DNAH6: variants seen among roughly 807,000 people sequenced by gnomAD.
DNAH6 encodes dynein axonemal heavy chain 6.
Under a neutral mutation model 491.4 loss-of-function variants are expected in DNAH6, and 340 were observed. That is an observed-to-expected ratio of 0.69 (90% CI 0.63 to 0.76). The LOEUF is 0.76. DNAH6 is among the 30% of genes least tolerant of loss of function. The probability of loss-of-function intolerance (pLI) is 0.00; values close to 1 mark genes in which losing one functional copy is unlikely to be tolerated. For synonymous variants in DNAH6, 1,603 were observed against 1,686.1 expected, an observed-to-expected ratio of 0.95 and a Z score of 1.21; for missense variants, 4,443 against 4,972.2, an observed-to-expected ratio of 0.89 and a Z score of 3.20.
rs774363192 is a variant in DNAH6 at position 84,659,652 on chromosome 2, G to A, written c.6084+483G>A. Among the ~76,000 whole-genome samples the A allele has an allele frequency of 2.0e-5, 3 of 152,178 alleles. No homozygotes were observed. In the East Asian group the frequency reaches 5.8e-4, roughly 29 times the overall value. On this transcript the variant is annotated intron_variant, in intron 37 of 76. Coordinates refer to ENST00000389394, the MANE Select transcript of DNAH6 (RefSeq NM_001370.2). ...TATTGGATTGGTATTGCAGGTCTCAGTACTCATTGATATTCAAAATGTTAA... is the reference window on the plus strand; with the variant it reads ...TATTGGATTGGTATTGCAGGTCTCAATACTCATTGATATTCAAAATGTTAA...
intron 54 of DNAH6, 116 bp from the exon 55 acceptor site, chr2:84,709,227 A>G (rs943398286): frequency 9.8e-6 from 10 of 1,019,890 alleles, no homozygotes; most frequent in Middle Eastern, 2.9e-4. Context: ...ATCTGTGGAG[A>G]CTGGGAGGGC....
chr2:84,675,000 C>T (rs758709106), intron 40 of DNAH6, among the ~76,000 whole-genome samples: 2 of 152,322 alleles, frequency 1.3e-5, no homozygotes, highest in Middle Eastern at 3.4e-3. Context: ...CCACGGCATG[C>T]CTTTGTGATG....
At chr2:84,600,059 A>G (rs1685069830) in intron 18 of DNAH6, among the ~76,000 whole-genome samples, 1 of 152,136 alleles carries the variant, frequency 6.6e-6, no homozygotes, top group African/African-American at 2.4e-5. Context: ...ACAAGTGTTA[A>G]TTAGGTGGAC....
the DNAH6 span, among the ~76,000 whole-genome samples, chr2:84,478,331 G>A: frequency 0.02 from 2,996 of 152,330 alleles, 103 homozygotes; most frequent in African/African-American, 0.069. Context: ...GATTTGAGCA[G>A]AGGCAGATTC....
At chr2:84,514,114 C>G (rs1675440412), upstream of DNAH6, among the ~76,000 whole-genome samples, 1 of 152,204 alleles carries the variant, frequency 6.6e-6, no homozygotes, top group African/African-American at 2.4e-5. Flanking sequence ...TTTGTACCCA[C>G]AGCACCCACA....
chr2:84,787,517 C>CA lies in DNAH6; in HGVS notation c.11239+217dup, dbSNP rs11404744. Among the ~76,000 whole-genome samples the CA allele has an allele frequency of 0.25, 37,948 of 151,942 alleles. 5,319 individuals are homozygous for CA. The highest frequency in any genetic ancestry group is 0.4 in the African/African-American group (16,649 of 41,428). On this transcript the variant is annotated intron_variant, in intron 68 of 76. Transcript: ENST00000389394. Reference sequence around the variant, plus strand: ...ACAGAAAATGGGACAGCTGCTTTCTCAATAATAATAATAATAGGAAAAATA... The same window carrying CA: ...ACAGAAAATGGGACAGCTGCTTTCTCAAATAATAATAATAATAGGAAAAATA...
chr2:84,467,863 A>G, the DNAH6 span, among the ~76,000 whole-genome samples: 4 of 152,338 alleles, frequency 2.6e-5, no homozygotes, highest in African/African-American at 9.6e-5. Flanking sequence ...GCTTTAAGGT[A>G]GGTAAATTGA....
intron 19 of DNAH6, 116 bp from the exon 20 acceptor site, chr2:84,605,384 C>A (rs1685665192): frequency 1.8e-5 from 12 of 651,372 alleles, no homozygotes; most frequent in African/African-American, 6.1e-5. Flanking sequence ...TTTTAGAGAG[C>A]AATAAGGAGG....
In DNAH6 at chr2:84,676,986, T is replaced by A. The variant is rs756779548; in HGVS notation, c.6613-19T>A. ...TTCATTCTCTGCTGAGTGATCCAAG[T>A]GGATTTCTCTGCACACAGGATGTAA... is the stretch of plus-strand genomic sequence containing the variant. On this transcript the variant is annotated intron_variant, in intron 40 of 76. Coordinates refer to ENST00000389394, the MANE Select transcript of DNAH6 (RefSeq NM_001370.2). 10 of 1,551,468 alleles carry A rather than the reference T, an allele frequency of 6.4e-6. No individual in the cohort carries two copies. The highest frequency in any genetic ancestry group is 8.7e-6 in the Non-Finnish European group (10 of 1,146,846).
chr2:84,467,896 G>A, the DNAH6 span, among the ~76,000 whole-genome samples: 1 of 152,166 alleles, frequency 6.6e-6, no homozygotes, highest in South Asian at 2.1e-4. Flanking sequence ...AGTTAAAGAG[G>A]TGGTTTATGA....
At chr2:84,737,071 G>A (rs758269191) in intron 62 of DNAH6, among the ~76,000 whole-genome samples, 1 of 151,884 alleles carries the variant, frequency 6.6e-6, no homozygotes, top group African/African-American at 2.4e-5. Context: ...GCTTTTCCTC[G>A]TCTATTGAGG....
chr2:84,579,654 T>C lies in DNAH6; in HGVS notation c.2204T>C (p.Leu735Ser). 6.3e-7 allele frequency: 1 copy of C among 1,589,490 alleles called. No homozygotes were observed. Among genetic ancestry groups the C allele is most frequent in the Non-Finnish European group, 8.5e-7 (1 of 1,170,952 alleles). The change falls in exon 14 of 77, where the codon TTA becomes TCA. Residue 735 changes from leucine (L) to serine (S), a missense_variant. By Grantham distance (145) the Leu-to-Ser change is moderately radical. Transcript: ENST00000389394. ...ACCACAGAATATGTTCATAGCTTAT[T>C]ATTTCTTGATGAAATTCAGGAACGG... The part of the protein sequence containing the change: ...TTTTEYVHSL[L>S]FLDEIQERIE...
the DNAH6 span, among the ~76,000 whole-genome samples, chr2:84,509,521 T>G: frequency 6.6e-6 from 1 of 152,000 alleles, no homozygotes; most frequent in South Asian, 2.1e-4. Context: ...GTCTTGACTC[T>G]TTATCCAATT....
chr2:84,648,058 T>G (rs1690060948), intron 33 of DNAH6, among the ~76,000 whole-genome samples: 1 of 152,258 alleles, frequency 6.6e-6, no homozygotes, highest in Admixed American at 6.5e-5. Context: ...TATATTTTAT[T>G]TTCACACTGA....
At chr2:84,587,278 A>T (rs999910628) in intron 15 of DNAH6, among the ~76,000 whole-genome samples, 3 of 152,172 alleles carry the variant, frequency 2.0e-5, no homozygotes, top group African/African-American at 7.2e-5. Context: ...CCTGCAAAGG[A>T]CATTATCTTG....
At chr2:84,566,472 T>A (rs1472284562) in intron 11 of DNAH6, among the ~76,000 whole-genome samples, 1 of 151,966 alleles carries the variant, frequency 6.6e-6, no homozygotes, top group Non-Finnish European at 1.5e-5. Context: ...TTGGAAAAAA[T>A]TTCTTAAATG....
the DNAH6 span, among the ~76,000 whole-genome samples, chr2:84,474,743 A>G: frequency 1.3e-5 from 2 of 152,190 alleles, no homozygotes; most frequent in Non-Finnish European, 2.9e-5. Flanking sequence ...CTTCTGAGGC[A>G]GCTCCTACTC....
At chr2:84,620,022 A>G in intron 24 of DNAH6, 118 bp downstream of exon 24, 4 of 916,262 alleles carry the variant, frequency 4.4e-6, no homozygotes, top group Non-Finnish European at 4.8e-6. Context: ...TAACCAAGAT[A>G]AAATTCTTGC....
intron 42 of DNAH6, among the ~76,000 whole-genome samples, chr2:84,682,190 T>C (rs1223054486): frequency 2.6e-5 from 4 of 152,112 alleles, no homozygotes; most frequent in Admixed American, 1.3e-4. Context: ...TCTACCTGAG[T>C]CCCATCTCCA....
Sources: gnomAD v4.1 joint callset for allele counts (sites outside exome capture counted in the v4.1 genomes callset) on GRCh38, gnomAD v4.1.1 for gene constraint, MANE v1.5 for transcripts, NCBI Gene and HGNC (gene_info 2026-07-23, HGNC 2026-07-21) for gene names.